The following DOCK9 variants were observed in gnomAD, a reference collection of about 807,000 sequenced individuals.
DOCK9 encodes the protein dedicator of cytokinesis protein 9.
Under a neutral mutation model 263.3 loss-of-function variants are expected in DOCK9, and 89 were observed. That is an observed-to-expected ratio of 0.34 (90% CI 0.28 to 0.40). DOCK9 has a LOEUF of 0.40. DOCK9 is among the 10% of genes least tolerant of loss of function. The pLI, the probability that DOCK9 is intolerant of heterozygous loss-of-function variation, is 1.00. For missense variants in DOCK9, 2,140 were observed against 2,603.4 expected, an observed-to-expected ratio of 0.82 and a Z score of 3.87; for synonymous variants, 976 against 973.1, an observed-to-expected ratio of 1.00 and a Z score of -0.06.
chr13:98,856,645 G>A (rs1273463582), intron 33 of DOCK9: 1 of 152,240 alleles, frequency 6.6e-6, no homozygotes, highest in Non-Finnish European at 1.5e-5. Flanking sequence ...TGACCCAAAG[G>A]CTGAGAAGCT....
At chr13:99,072,087 G>A (rs1050777080) in intron 1 of DOCK9, among the ~76,000 whole-genome samples, 3 of 152,094 alleles carry the variant, frequency 2.0e-5, no homozygotes, top group African/African-American at 7.2e-5. Flanking sequence ...TCCTTGATTG[G>A]CTCTGTCATA....
chr13:99,008,234 A>ATTT (rs398024127), intron 1 of DOCK9, among the ~76,000 whole-genome samples: 1,857 of 93,854 alleles, frequency 0.02, 55 homozygotes, highest in African/African-American at 0.051. Flanking sequence ...ATATATATAT[A>ATTT]TTTTTTTTTT....
At chr13:99,061,054 A>G (rs1213571165) in intron 1 of DOCK9, among the ~76,000 whole-genome samples, 1 of 152,268 alleles carries the variant, frequency 6.6e-6, no homozygotes, top group South Asian at 2.1e-4. Flanking sequence ...GATACAAAAA[A>G]GCCCAAGGCA....
chr13:98,928,233 AG>A, intron 3 of DOCK9, among the ~76,000 whole-genome samples: 1 of 152,358 alleles, frequency 6.6e-6, no homozygotes, highest in South Asian at 2.1e-4. Context: ...ACCTTCAAAA[AG>A]ACAGGAATGT....
intron 7 of DOCK9, among the ~76,000 whole-genome samples, chr13:98,917,659 G>C (rs551302499): frequency 7.4e-6 from 1 of 135,448 alleles, no homozygotes; most frequent in African/African-American, 2.7e-5. Flanking sequence ...TTTTTTTTTC[G>C]GCAGGGCGGG....
At chr13:98,948,166 T>C (rs2056966573) in intron 2 of DOCK9, among the ~76,000 whole-genome samples, 1 of 152,178 alleles carries the variant, frequency 6.6e-6, no homozygotes, top group Admixed American at 6.5e-5. Context: ...CAGTCTCATG[T>C]AAGTAGAAGA....
intron 15 of DOCK9, among the ~76,000 whole-genome samples, chr13:98,895,421 C>G (rs1014162233): frequency 2.3e-4 from 35 of 152,078 alleles, no homozygotes; most frequent in African/African-American, 8.2e-4. Context: ...AATCCCAGCA[C>G]TTTGGGAGGC....
chr13:99,086,399 C>T (rs1040296159), exon 1 of DOCK9: 7 of 1,041,776 alleles, frequency 6.7e-6, no homozygotes, highest in Non-Finnish European at 8.1e-6. Context: ...GCGGCCCGGC[C>T]CGGCCGCGCG....
chr13:98,977,793 GC>G lies in DOCK9; in HGVS notation c.116del (p.Gly39AlafsTer9). 1 of 1,611,790 alleles carries G rather than the reference GC, an allele frequency of 6.2e-7. No individual in the cohort carries two copies. ...TACGAGACCCTCTTACCGGCACAGG[GC>G]CCGGGCTCTCTGCTTCCACTTCGCC... ...AQGEVEAESP[G>X]PVPAKPKLIE... On this transcript the variant is annotated frameshift_variant, in exon 1 of 53. Transcript: ENST00000682017. LOFTEE classifies it high-confidence loss of function.
At chr13:99,065,066 G>A (rs757202209) in intron 1 of DOCK9, among the ~76,000 whole-genome samples, 1 of 152,168 alleles carries the variant, frequency 6.6e-6, no homozygotes, top group Admixed American at 6.5e-5. Context: ...TCCCAGCACA[G>A]TCACGCACGG....
chr13:98,807,837 CCTG>C, intron 47 of DOCK9, 30 bp from the exon 48 acceptor site: 1 of 1,585,342 alleles, frequency 6.3e-7, no homozygotes, highest in Non-Finnish European at 8.6e-7. Context: ...TAGAGCTATC[CCTG>C]AACGTAAGCC....
upstream of DOCK9, among the ~76,000 whole-genome samples, chr13:98,978,915 T>C (rs1876129363): frequency 6.6e-6 from 1 of 152,232 alleles, no homozygotes; most frequent in African/African-American, 2.4e-5. Context: ...GTATTTTTAT[T>C]ATTTCCTCAC....
chr13:99,020,021 G>C (rs1885891262), intron 1 of DOCK9, among the ~76,000 whole-genome samples: 1 of 152,182 alleles, frequency 6.6e-6, no homozygotes, highest in African/African-American at 2.4e-5. Context: ...AGAATCACTT[G>C]AACCTGGGAG....
Position 98,879,957 on chromosome 13 carries a change from A to T in DOCK9, c.2884T>A (p.Phe962Ile). 1 of 1,606,240 alleles carries T rather than the reference A, an allele frequency of 6.2e-7. No homozygotes were observed. Among genetic ancestry groups the T allele is most frequent in the East Asian group, 2.2e-5 (1 of 44,852 alleles). Residue 962 changes from phenylalanine (F) to isoleucine (I), a missense_variant, in exon 27 of 53, where the codon TTC becomes ATC. By Grantham distance (21) the Phe-to-Ile change is conservative. Coordinates refer to ENST00000682017, the MANE Select transcript of DOCK9 (RefSeq NM_001366683.2). ...ATAGATTTGATCAGTACATCAAAGA[A>T]AAACCATGAGTACTAAAAGAAAAAA... The part of the protein sequence containing the change: ...SNKLLKYSWF[F>I]FDVLIKSMAQ...
In DOCK9 at chr13:98,996,613, G is replaced by C. The variant is rs1881099335; in HGVS notation, c.130-41062C>G. 2.0e-5 allele frequency among the ~76,000 whole-genome samples: 3 copies of C among 152,360 alleles called. No individual in the cohort carries two copies. In the South Asian group the frequency reaches 6.2e-4, roughly 32 times the overall value. On this transcript the variant is annotated intron_variant, in intron 1 of 32. Coordinates refer to the DOCK9 transcript ENST00000427887. ...ACGGCCCAGGGCCATATGTGGCCCA[G>C]GATGGCTTTGAATGCAGCCCAACAC... is the stretch of plus-strand genomic sequence containing the variant.
At chr13:98,806,152 C>T (rs1405264783) in intron 48 of DOCK9, among the ~76,000 whole-genome samples, 1 of 152,150 alleles carries the variant, frequency 6.6e-6, no homozygotes, top group Non-Finnish European at 1.5e-5. Context: ...GCTAGGCCTC[C>T]AAATTATCAT....
At chr13:98,965,270 T>C (rs547309392) in intron 1 of DOCK9, among the ~76,000 whole-genome samples, 3 of 152,274 alleles carry the variant, frequency 2.0e-5, no homozygotes, top group South Asian at 4.1e-4. Flanking sequence ...CTTCTGTCCC[T>C]AACTCAGGAC....
At chr13:98,948,926 C>A (rs2057052737) in intron 2 of DOCK9, among the ~76,000 whole-genome samples, 1 of 152,182 alleles carries the variant, frequency 6.6e-6, no homozygotes, top group South Asian at 2.1e-4. Context: ...TTTGTAAACA[C>A]CACATTTTCT....
At chr13:98,989,337 G>C (rs1242884893) in intron 1 of DOCK9, among the ~76,000 whole-genome samples, 3 of 128,550 alleles carry the variant, frequency 2.3e-5, no homozygotes, top group African/African-American at 9.0e-5. Flanking sequence ...TGATGATGAT[G>C]ATGATGATGA....
Sources: gnomAD v4.1 joint callset for allele counts (sites outside exome capture counted in the v4.1 genomes callset) on GRCh38, gnomAD v4.1.1 for gene constraint, MANE v1.5 for transcripts, NCBI Gene and HGNC (gene_info 2026-07-23, HGNC 2026-07-21) for gene names.